Variants in BICDL1 observed in about 807,000 individuals in gnomAD.
BICDL1 encodes BICD family-like cargo adapter 1.
Under a neutral mutation model 76.8 loss-of-function variants are expected in BICDL1, and 20 were observed. The observed-to-expected ratio is 0.26, with a 90% CI of 0.18 to 0.38. BICDL1 has a LOEUF of 0.38. BICDL1 is among the 10% of genes least tolerant of loss of function. The pLI, the probability that BICDL1 is intolerant of heterozygous loss-of-function variation, is 1.00. For missense variants in BICDL1, 700 were observed against 798.6 expected (o/e 0.88, Z 1.49); for synonymous variants, 383 against 337.1 (o/e 1.14, Z -1.49).
chr12:120,062,366 C>G (rs1953123815), intron 3 of BICDL1, among the ~76,000 whole-genome samples: 1 of 152,134 alleles, frequency 6.6e-6, no homozygotes, highest in Non-Finnish European at 1.5e-5. Flanking sequence ...GGGAACAATA[C>G]TGTGAGAACC....
At chr12:120,003,717 G>A (rs1951801913) in intron 2 of BICDL1, among the ~76,000 whole-genome samples, 1 of 152,210 alleles carries the variant, frequency 6.6e-6, no homozygotes, top group African/African-American at 2.4e-5. Context: ...GAGCTTTTGT[G>A]CATTGATTTA....
At chr12:119,994,808 T>G (rs542235044) in intron 1 of BICDL1, among the ~76,000 whole-genome samples, 10 of 152,292 alleles carry the variant, frequency 6.6e-5, no homozygotes, top group Non-Finnish European at 1.2e-4. Flanking sequence ...TTTTTTAAAA[T>G]GGTTTTAGAT....
intron 2 of BICDL1, among the ~76,000 whole-genome samples, chr12:120,045,917 T>TATAATAATAATAATAATA (rs72097325): frequency 0.081 from 11,167 of 137,514 alleles, 1,094 homozygotes; most frequent in African/African-American, 0.24. Context: ...CTTAAAGTAT[T>TATAATAATAATAATAATA]ATAATAATAA....
chr12:120,026,764 T>C (rs1348339192), intron 2 of BICDL1, among the ~76,000 whole-genome samples: 1 of 152,234 alleles, frequency 6.6e-6, no homozygotes, highest in Non-Finnish European at 1.5e-5. Flanking sequence ...CTCTAGCTTG[T>C]CAGCCATCTT....
At chr12:120,057,498 G>C (rs1181419705) in intron 2 of BICDL1, among the ~76,000 whole-genome samples, 2 of 152,106 alleles carry the variant, frequency 1.3e-5, no homozygotes, top group African/African-American at 4.8e-5. Flanking sequence ...TAGAACATAA[G>C]AGTTATATAT....
intron 2 of BICDL1, among the ~76,000 whole-genome samples, chr12:120,048,753 TTC>T (rs1276549190): frequency 1.3e-5 from 2 of 152,200 alleles, no homozygotes; most frequent in African/African-American, 4.8e-5. Context: ...CAGATCTGCC[TTC>T]TCTGTTTCAT....
rs535283158 is a variant in BICDL1 at position 120,065,382 on chromosome 12, G to T, written c.909+503G>T. ...CCAGTTGCCAGAAAAGGCATAGACTGACCCCTTTGTGAGCCTCATCAGTCT... is the reference window on the plus strand; with the variant it reads ...CCAGTTGCCAGAAAAGGCATAGACTTACCCCTTTGTGAGCCTCATCAGTCT... On this transcript the variant is annotated intron_variant, in intron 4 of 9. Coordinates refer to ENST00000548673, the MANE Select transcript of BICDL1 (RefSeq NM_001367886.1). 3.3e-5 allele frequency among the ~76,000 whole-genome samples: 5 copies of T among 152,310 alleles called. No homozygotes were observed. In the East Asian group the frequency reaches 9.6e-4, roughly 29 times the overall value.
At chr12:120,088,847 T>C (rs1250607544) in intron 8 of BICDL1, among the ~76,000 whole-genome samples, 1 of 151,650 alleles carries the variant, frequency 6.6e-6, no homozygotes, top group Non-Finnish European at 1.5e-5. Context: ...TTGGTATTTT[T>C]AGTAGAGACG....
chr12:120,061,649 A>G, intron 2 of BICDL1, 61 bp from the exon 3 acceptor site: 1 of 1,131,250 alleles, frequency 8.8e-7, no homozygotes, highest in South Asian at 1.2e-5. Context: ...GAAAGCAGAA[A>G]CCTTAACAGA....
chr12:119,991,959 A>G (rs1238160751), intron 1 of BICDL1, among the ~76,000 whole-genome samples: 3 of 152,234 alleles, frequency 2.0e-5, no homozygotes, highest in South Asian at 2.1e-4. Flanking sequence ...TCTTTAAACT[A>G]TTTTTTAAAA....
At chr12:120,017,936 T>C (rs1952099278) in intron 2 of BICDL1, among the ~76,000 whole-genome samples, 1 of 152,210 alleles carries the variant, frequency 6.6e-6, no homozygotes, top group Non-Finnish European at 1.5e-5. Flanking sequence ...TGTGGATACT[T>C]GCAAACACCT....
At chr12:119,991,423 G>GA (rs1951521082) in intron 1 of BICDL1, among the ~76,000 whole-genome samples, 1 of 152,030 alleles carries the variant, frequency 6.6e-6, no homozygotes. Context: ...AAATCCGGGA[G>GA]AAAAAAAGGA....
intron 2 of BICDL1, among the ~76,000 whole-genome samples, chr12:120,030,384 T>A (rs912895256): frequency 2.6e-5 from 4 of 152,206 alleles, no homozygotes; most frequent in South Asian, 2.1e-4. Context: ...ATAATGACTA[T>A]CTGCGCTATT....
intron 9 of BICDL1, chr12:120,091,371 G>A (rs1351615198): frequency 3.0e-6 from 3 of 1,011,302 alleles, no homozygotes; most frequent in African/African-American, 1.7e-5. Flanking sequence ...AGTTTTCAGT[G>A]TGCCAAACAA....
chr12:120,051,316 G>T (rs1952855496), intron 2 of BICDL1, among the ~76,000 whole-genome samples: 1 of 152,160 alleles, frequency 6.6e-6, no homozygotes, highest in Non-Finnish European at 1.5e-5. Context: ...AAAGTGCTGG[G>T]ATTACAGGCG....
chr12:120,051,689 C>G (rs1952863297), intron 2 of BICDL1, among the ~76,000 whole-genome samples: 1 of 152,142 alleles, frequency 6.6e-6, no homozygotes, highest in South Asian at 2.1e-4. Flanking sequence ...TATGGATTCT[C>G]AAATACCCTT....
At chr12:120,020,611 G>A (rs1952159508) in intron 2 of BICDL1, among the ~76,000 whole-genome samples, 1 of 152,104 alleles carries the variant, frequency 6.6e-6, no homozygotes, top group Non-Finnish European at 1.5e-5. Flanking sequence ...TAGAAGTAAT[G>A]TTATAATTGG....
rs1951487495 is a variant in BICDL1, at chr12:119,990,189, G to A, written c.321G>A (p.Glu107=). Residue 107 remains glutamate, a synonymous_variant, in exon 1 of 10, where the codon GAG becomes GAA. Transcript: ENST00000548673. The part of the protein sequence containing the change: ...PELLSVIRQK[E]KDLVLAARLG... The stretch of plus-strand genomic sequence containing the variant: ...TGCTGTCGGTGATCCGACAGAAGGA[G>A]AAGGATCTGGTGTTGGCGGCCCGGC... 4 of 1,559,094 alleles carry A rather than the reference G, an allele frequency of 2.6e-6. No individual in the cohort carries two copies. Among genetic ancestry groups the A allele is most frequent in the African/African-American group, 2.7e-5 (2 of 73,502 alleles).
intron 2 of BICDL1, among the ~76,000 whole-genome samples, chr12:120,023,816 T>TTC (rs1465066479): frequency 6.7e-6 from 1 of 149,178 alleles, no homozygotes; most frequent in Admixed American, 6.7e-5. Context: ...AAAAAAAAGA[T>TTC]TCCCAGGTAT....
Sources: gnomAD v4.1 joint callset for allele counts (sites outside exome capture counted in the v4.1 genomes callset) on GRCh38, gnomAD v4.1.1 for gene constraint, MANE v1.5 for transcripts, NCBI Gene and HGNC (gene_info 2026-07-23, HGNC 2026-07-21) for gene names.